The following DAB1 variants were observed in gnomAD, a reference collection of about 807,000 sequenced individuals.
The protein encoded by DAB1 is DAB adaptor protein 1.
DAB1 carries 15 observed loss-of-function variants against 64.6 expected under a neutral mutation model. The observed-to-expected ratio is 0.23, with a 90% CI of 0.16 to 0.36. The LOEUF (loss-of-function observed/expected upper bound fraction) is 0.36. Among genes scored for constraint, DAB1 ranks in the 10% least tolerant of loss-of-function variants. The pLI, the probability that DAB1 is intolerant of heterozygous loss-of-function variation, is 1.00. For synonymous variants in DAB1, 235 were observed against 251.9 expected, an observed-to-expected ratio of 0.93 and a Z score of 0.64; for missense variants, 596 against 706.7, an observed-to-expected ratio of 0.84 and a Z score of 1.78.
At chr1:58,065,588 T>C (rs1570304284) in intron 5 of DAB1, among the ~76,000 whole-genome samples, 1 of 151,896 alleles carries the variant, frequency 6.6e-6, no homozygotes, top group East Asian at 1.9e-4. Context: ...ATACAAAGGG[T>C]GAGAATGGAA....
intron 6 of DAB1, among the ~76,000 whole-genome samples, chr1:57,679,095 A>AT (rs1462523130): frequency 3.9e-5 from 6 of 152,154 alleles, no homozygotes; most frequent in Admixed American, 2.0e-4. Flanking sequence ...TGTTATCTTC[A>AT]TTTTCTAGAG....
chr1:57,047,791 C>A (rs866048131), intron 9 of DAB1, among the ~76,000 whole-genome samples: 13 of 152,196 alleles, frequency 8.5e-5, no homozygotes, highest in African/African-American at 3.1e-4. Context: ...TACACTTGAT[C>A]TTGTTGACAC....
chr1:57,673,063 A>T (rs955643644), intron 6 of DAB1, among the ~76,000 whole-genome samples: 2 of 152,206 alleles, frequency 1.3e-5, no homozygotes, highest in African/African-American at 4.8e-5. Context: ...AACAATAGAA[A>T]TTTATTTCTC....
At chr1:58,487,604 C>G (rs1249888958) in intron 3 of DAB1, among the ~76,000 whole-genome samples, 2 of 152,006 alleles carry the variant, frequency 1.3e-5, no homozygotes, top group Admixed American at 1.3e-4. Context: ...GGCTAGGCGT[C>G]CTTTTCTTTG....
At chr1:57,965,270 C>G (rs993715962) in intron 5 of DAB1, among the ~76,000 whole-genome samples, 1 of 152,116 alleles carries the variant, frequency 6.6e-6, no homozygotes, top group Non-Finnish European at 1.5e-5. Context: ...TTCACATGAA[C>G]TAATAAACTT....
At chr1:57,422,193 A>G (rs1684966757) in intron 1 of DAB1, among the ~76,000 whole-genome samples, 1 of 152,184 alleles carries the variant, frequency 6.6e-6, no homozygotes. Context: ...AGTGTTGTAA[A>G]GTGTAGTGGA....
At chr1:57,753,037 C>G (rs573532916) in intron 6 of DAB1, among the ~76,000 whole-genome samples, 1 of 152,160 alleles carries the variant, frequency 6.6e-6, no homozygotes, top group Admixed American at 6.5e-5. Context: ...GGGGCTGGAA[C>G]AGCATGTTGG....
At chr1:57,159,673 A>G (rs564155958) in intron 2 of DAB1, among the ~76,000 whole-genome samples, 1 of 152,204 alleles carries the variant, frequency 6.6e-6, no homozygotes, top group East Asian at 1.9e-4. Context: ...ACACATATGC[A>G]TAGTGTCTTA....
At chr1:58,463,083 T>C (rs1049537061) in intron 3 of DAB1, among the ~76,000 whole-genome samples, 6 of 152,250 alleles carry the variant, frequency 3.9e-5, no homozygotes, top group Non-Finnish European at 7.3e-5. Context: ...TTCACTCCTA[T>C]GTCTCACATA....
intron 6 of DAB1, among the ~76,000 whole-genome samples, chr1:57,783,345 G>A (rs1003501370): frequency 1.3e-5 from 2 of 151,790 alleles, no homozygotes; most frequent in Non-Finnish European, 1.5e-5. Flanking sequence ...ACATGATCTC[G>A]CCCATCTTGG....
At chr1:57,433,604 G>A (rs1017093905) in intron 7 of DAB1, among the ~76,000 whole-genome samples, 1 of 152,040 alleles carries the variant, frequency 6.6e-6, no homozygotes, top group Non-Finnish European at 1.5e-5. Flanking sequence ...GTATGCACAG[G>A]TTTCTTAGAG....
chr1:58,021,595 G>A (rs1309296538), intron 5 of DAB1, among the ~76,000 whole-genome samples: 3 of 152,170 alleles, frequency 2.0e-5, no homozygotes, highest in African/African-American at 4.8e-5. Context: ...AGGACTGTGA[G>A]CATATGAGTA....
chr1:58,281,846 G>A (rs1661570988), intron 4 of DAB1, among the ~76,000 whole-genome samples: 1 of 152,082 alleles, frequency 6.6e-6, no homozygotes, highest in African/African-American at 2.4e-5. Flanking sequence ...TGTATGTAAA[G>A]CACTTAGAAC....
intron 6 of DAB1, among the ~76,000 whole-genome samples, chr1:57,773,510 TAGTGAAGTA>T (rs1649657821): frequency 6.6e-6 from 1 of 152,062 alleles, no homozygotes; most frequent in South Asian, 2.1e-4. Context: ...TTTTTAATTC[TAGTGAAGTA>T]AAATTTATGT....
rs550480790 is a variant in DAB1, at chr1:58,301,239, G to A, written n.309+42113C>T. On this transcript the variant is annotated intron_variant and non_coding_transcript_variant, in intron 4 of 20. Coordinates refer to the DAB1 transcript ENST00000485760. ...GCAGATATGTGGGGGTGGAGAGGGGGGGGTCATGAAATTAACTAAGTCAAT... is the reference window on the plus strand; with the variant it reads ...GCAGATATGTGGGGGTGGAGAGGGGAGGGTCATGAAATTAACTAAGTCAAT... Among the ~76,000 whole-genome samples, 5 of 147,890 alleles carry A rather than the reference G, an allele frequency of 3.4e-5. No homozygotes were observed. In the East Asian group the frequency reaches 1.0e-3, roughly 30 times the overall value.
intron 5 of DAB1, among the ~76,000 whole-genome samples, chr1:57,962,342 T>C (rs10493234): frequency 0.079 from 12,039 of 152,166 alleles, 635 homozygotes; most frequent in Middle Eastern, 0.17. Flanking sequence ...TATTTTTCCA[T>C]GGGCATAGTG....
chr1:57,744,145 T>C (rs553941217), intron 6 of DAB1, among the ~76,000 whole-genome samples: 1 of 152,304 alleles, frequency 6.6e-6, no homozygotes, highest in Non-Finnish European at 1.5e-5. Context: ...TGGCAGGATT[T>C]TGGGGGGCTT....
At chr1:57,966,583 C>T (rs1293700884) in intron 5 of DAB1, among the ~76,000 whole-genome samples, 1 of 152,152 alleles carries the variant, frequency 6.6e-6, no homozygotes, top group Admixed American at 6.6e-5. Flanking sequence ...AGCTAACCCA[C>T]AGAATCATGA....
intron 4 of DAB1, among the ~76,000 whole-genome samples, chr1:58,241,711 A>T (rs1287320812): frequency 6.6e-6 from 1 of 152,078 alleles, no homozygotes; most frequent in African/African-American, 2.4e-5. Flanking sequence ...TTCACGACAA[A>T]TGTGAAAAGA....
Sources: allele counts gnomAD v4.1 joint callset (sites outside exome capture counted in the v4.1 genomes callset), GRCh38; gene constraint gnomAD v4.1.1; transcripts MANE v1.5; gene names NCBI Gene and HGNC (gene_info 2026-07-23, HGNC 2026-07-21).